Variants in SORCS2 observed in about 807,000 individuals in gnomAD.
SORCS2 encodes the protein sortilin related VPS10 domain containing receptor 2.
Under a neutral mutation model 141.6 loss-of-function variants are expected in SORCS2, and 100 were observed. The ratio of observed to expected loss-of-function variants is 0.71; its 90% CI spans 0.60 to 0.83. The LOEUF (loss-of-function observed/expected upper bound fraction) is 0.83, where lower values mean the gene tolerates loss of function less well. SORCS2 is among the 40% of genes least tolerant of loss of function. SORCS2 has a pLI of 0.00. For missense variants in SORCS2, 1,646 were observed against 1,560.2 expected (o/e 1.05, Z -0.93); for synonymous variants, 789 against 676.9 (o/e 1.17, Z -2.57).
chr4:7,584,409 G>A (rs1338374887), intron 3 of SORCS2, among the ~76,000 whole-genome samples: 1 of 152,172 alleles, frequency 6.6e-6, no homozygotes, highest in Non-Finnish European at 1.5e-5. Flanking sequence ...TTGCTTCCAT[G>A]ATGGGCTGAA....
chr4:7,671,391 C>T (rs1460065934), intron 8 of SORCS2, among the ~76,000 whole-genome samples: 1 of 151,818 alleles, frequency 6.6e-6, no homozygotes, highest in Non-Finnish European at 1.5e-5. Context: ...GACCAGATGG[C>T]AGATCTACTA....
chr4:7,332,319 G>C (rs1251544652), intron 1 of SORCS2, among the ~76,000 whole-genome samples: 2 of 152,210 alleles, frequency 1.3e-5, no homozygotes, highest in Admixed American at 6.5e-5. Flanking sequence ...CCACGTCTCA[G>C]CTCCTCTGAG....
Position 7,201,600 on chromosome 4 carries a change from G to A in SORCS2, c.480+8474G>A, listed in dbSNP as rs1377612801. Among the ~76,000 whole-genome samples the A allele has an allele frequency of 6.6e-6, 1 of 152,204 alleles. No homozygotes were observed. Among genetic ancestry groups the A allele is most frequent in the Non-Finnish European group, 1.5e-5 (1 of 68,044 alleles). ...GAGTGACGGGCGAATCAGCTGGGACGCTGCCGAGAACCCCTGTGCCTTTTC... is the reference window on the plus strand; with the variant it reads ...GAGTGACGGGCGAATCAGCTGGGACACTGCCGAGAACCCCTGTGCCTTTTC... On this transcript the variant is annotated intron_variant, in intron 1 of 26. Coordinates refer to ENST00000507866, the MANE Select transcript of SORCS2 (RefSeq NM_020777.3). The surrounding 1 kb of genome is among the most constrained non-coding windows in gnomAD (Gnocchi z 4.4).
intron 3 of SORCS2, among the ~76,000 whole-genome samples, chr4:7,619,362 G>A (rs752064637): frequency 1.3e-5 from 2 of 152,204 alleles, no homozygotes; most frequent in Non-Finnish European, 2.9e-5. Context: ...AGTAAGTCCA[G>A]GGAGCAGAGG....
chr4:7,224,976 T>C (rs763740476), intron 1 of SORCS2, among the ~76,000 whole-genome samples: 27 of 152,248 alleles, frequency 1.8e-4, no homozygotes, highest in Non-Finnish European at 3.2e-4. Flanking sequence ...TGGAGAGTGA[T>C]GTATGCAATG....
At chr4:7,502,805 C>T (rs909754829) in intron 2 of SORCS2, among the ~76,000 whole-genome samples, 3 of 152,238 alleles carry the variant, frequency 2.0e-5, no homozygotes, top group Non-Finnish European at 4.4e-5. Flanking sequence ...CCGGCCTTGC[C>T]CCCACGGCAT....
intron 3 of SORCS2, among the ~76,000 whole-genome samples, chr4:7,542,336 T>A (rs1712744797): frequency 6.6e-6 from 1 of 152,208 alleles, no homozygotes; most frequent in Non-Finnish European, 1.5e-5. Context: ...TCTTTGGGAA[T>A]AGGGTCTTTG....
chr4:7,571,372 C>T (rs1715379596), intron 3 of SORCS2, among the ~76,000 whole-genome samples: 1 of 152,152 alleles, frequency 6.6e-6, no homozygotes, highest in Non-Finnish European at 1.5e-5. Flanking sequence ...AGGGCAAAGA[C>T]TCAGAGGTGG....
At chr4:7,645,406 C>A (rs1008319514) in intron 4 of SORCS2, among the ~76,000 whole-genome samples, 2 of 152,172 alleles carry the variant, frequency 1.3e-5, no homozygotes, top group South Asian at 4.1e-4. Context: ...AGCTTCAGTT[C>A]TTTCATTTGT....
chr4:7,357,667 G>A (rs898479062), intron 1 of SORCS2, among the ~76,000 whole-genome samples: 2 of 152,214 alleles, frequency 1.3e-5, no homozygotes, highest in African/African-American at 4.8e-5. Flanking sequence ...GGGAAATGGA[G>A]AGAAGTCAAA....
intron 1 of SORCS2, among the ~76,000 whole-genome samples, chr4:7,245,345 C>T (rs1356896034): frequency 1.3e-5 from 2 of 152,260 alleles, no homozygotes; most frequent in African/African-American, 4.8e-5. Flanking sequence ...ATCCCTGCTG[C>T]ACACCGGAGG....
chr4:7,713,129 C>T (rs1725940104), intron 15 of SORCS2, among the ~76,000 whole-genome samples: 1 of 152,018 alleles, frequency 6.6e-6, no homozygotes, highest in Admixed American at 6.6e-5. Flanking sequence ...CCATGGAGTC[C>T]AGTATGCTTG....
intron 7 of SORCS2, 60 bp from the exon 8 acceptor site, chr4:7,667,064 T>C: frequency 6.9e-7 from 1 of 1,440,710 alleles, no homozygotes; most frequent in East Asian, 2.3e-5. Flanking sequence ...TTTTCATTCA[T>C]GAGACTGTGG....
intron 1 of SORCS2, among the ~76,000 whole-genome samples, chr4:7,366,775 C>T (rs1721926503): frequency 6.6e-6 from 1 of 152,104 alleles, no homozygotes; most frequent in African/African-American, 2.4e-5. Flanking sequence ...CCCCCAACCC[C>T]CAACAGCTTC....
chr4:7,653,028 T>C (rs1721539246), intron 4 of SORCS2, among the ~76,000 whole-genome samples: 1 of 151,354 alleles, frequency 6.6e-6, no homozygotes. Context: ...AAGACAGTGC[T>C]CTGGGCGCCC....
intron 1 of SORCS2, among the ~76,000 whole-genome samples, chr4:7,255,240 G>C (rs1713775400): frequency 1.3e-5 from 2 of 152,080 alleles, no homozygotes; most frequent in South Asian, 4.1e-4. Context: ...TTCCCGGGCA[G>C]TTTCCGTGGG....
chr4:7,522,942 TC>T (rs1733431123), intron 2 of SORCS2, among the ~76,000 whole-genome samples: 1 of 75,376 alleles, frequency 1.3e-5, no homozygotes, highest in African/African-American at 5.0e-5. Context: ...CCCTCCCTCT[TC>T]CCCCATCCTT....
rs1287871559 is a variant in SORCS2, at chr4:7,556,550, T to A, written c.648+24921T>A. Reference sequence around the variant, plus strand: ...AGGCTGAGACCCAGTCTTGGGCTCATGGGAAATCTGCACAAAGTTCACTTT... The same window carrying A: ...AGGCTGAGACCCAGTCTTGGGCTCAAGGGAAATCTGCACAAAGTTCACTTT... On this transcript the variant is annotated intron_variant, in intron 3 of 26. Coordinates refer to ENST00000507866, the MANE Select transcript of SORCS2 (RefSeq NM_020777.3). Among the ~76,000 whole-genome samples, 3 of 152,154 alleles carry A rather than the reference T, an allele frequency of 2.0e-5. No homozygotes were observed. The East Asian group carries it at 5.8e-4, about 29-fold the overall frequency.
In SORCS2 at chr4:7,734,289, G is replaced by T. The variant is rs758161239; in HGVS notation, c.3226G>T (p.Gly1076Cys). 2 of 1,601,884 alleles carry T rather than the reference G, an allele frequency of 1.2e-6. No individual in the cohort carries two copies. Among genetic ancestry groups the T allele is most frequent in the Admixed American group, 1.7e-5 (1 of 58,740 alleles). Reference sequence around the variant, plus strand: ...GCTTGCAGGTGCTGAGCAGCTGGGCGGCGGTGGCGGCTACTGGGCGGTAGT... The same window carrying T: ...GCTTGCAGGTGCTGAGCAGCTGGGCTGCGGTGGCGGCTACTGGGCGGTAGT... The part of the protein sequence containing the change: ...DTGTGAEQLG[G>C]GGGYWAVVVL... Residue 1076 changes from glycine (G) to cysteine (C), a missense_variant, in exon 25 of 27, where the codon GGC becomes TGC. Coordinates refer to ENST00000507866, the MANE Select transcript of SORCS2 (RefSeq NM_020777.3).
Sources: allele counts gnomAD v4.1 joint callset (sites outside exome capture counted in the v4.1 genomes callset), GRCh38; gene constraint gnomAD v4.1.1; non-coding constraint Gnocchi (gnomAD v3.1); transcripts MANE v1.5; gene names NCBI Gene and HGNC (gene_info 2026-07-23, HGNC 2026-07-21).